The following MTUS2 variants were observed in gnomAD, a reference collection of about 807,000 sequenced individuals.
The protein encoded by MTUS2 is microtubule-associated tumor suppressor candidate 2.
MTUS2 carries 40 observed loss-of-function variants against 114.1 expected under a neutral mutation model. That is an observed-to-expected ratio of 0.35 (90% CI 0.27 to 0.46). MTUS2 has a LOEUF of 0.46. Among genes scored for constraint, MTUS2 ranks in the 20% least tolerant of loss-of-function variants. MTUS2 has a pLI of 1.00. For missense variants in MTUS2, 1,679 were observed against 1,705.4 expected (o/e 0.98, Z 0.27); for synonymous variants, 688 against 672.0 (o/e 1.02, Z -0.37).
intron 6 of MTUS2, among the ~76,000 whole-genome samples, chr13:29,298,674 G>C (rs775956978): frequency 6.6e-6 from 1 of 152,078 alleles, no homozygotes; most frequent in Non-Finnish European, 1.5e-5. Context: ...TAAGAAATAG[G>C]GTCACTTGAT....
intron 2 of MTUS2, among the ~76,000 whole-genome samples, chr13:28,925,277 T>C (rs113038600): frequency 0.013 from 1,968 of 152,276 alleles, 40 homozygotes; most frequent in African/African-American, 0.044. Context: ...TGATTCTGGT[T>C]CTCCTCATGT....
intron 4 of MTUS2, among the ~76,000 whole-genome samples, chr13:29,082,839 G>A (rs1208567644): frequency 1.3e-5 from 2 of 152,080 alleles, no homozygotes; most frequent in Non-Finnish European, 2.9e-5. Flanking sequence ...AAGTCCAGGG[G>A]TAACTTATAG....
At chr13:29,299,601 G>A (rs1899103855) in intron 6 of MTUS2, among the ~76,000 whole-genome samples, 1 of 152,184 alleles carries the variant, frequency 6.6e-6, no homozygotes, top group East Asian at 1.9e-4. Flanking sequence ...ACATAACATA[G>A]TGCACAGAAA....
chr13:29,286,648 A>G (rs61948174), intron 6 of MTUS2, among the ~76,000 whole-genome samples: 1,897 of 145,932 alleles, frequency 0.013, 12 homozygotes, highest in Middle Eastern at 0.021. Flanking sequence ...TGCACTATCT[A>G]TCTGTCTGTC....
intron 4 of MTUS2, among the ~76,000 whole-genome samples, chr13:29,041,412 C>T (rs751249812): frequency 2.6e-5 from 4 of 151,962 alleles, no homozygotes; most frequent in Non-Finnish European, 5.9e-5. Flanking sequence ...TTTGCTTAGC[C>T]TTACTTTGGG....
chr13:29,467,577 G>A (rs983334165), intron 9 of MTUS2, among the ~76,000 whole-genome samples: 1 of 151,790 alleles, frequency 6.6e-6, no homozygotes, highest in Non-Finnish European at 1.5e-5. Flanking sequence ...TCCTATTAAA[G>A]CCATTTCCTG....
intron 4 of MTUS2, among the ~76,000 whole-genome samples, chr13:29,094,307 ACTAATGACAT>A (rs1890087050): frequency 6.6e-6 from 1 of 151,300 alleles, no homozygotes; most frequent in South Asian, 2.1e-4. Flanking sequence ...GATAGAATTC[ACTAATGACAT>A]CTGTGCCTGG....
chr13:29,502,514 C>G (rs143606151), intron 15 of MTUS2, among the ~76,000 whole-genome samples: 47 of 152,212 alleles, frequency 3.1e-4, no homozygotes, highest in Non-Finnish European at 7.3e-5. Flanking sequence ...AGGACACCTG[C>G]CATCGTGGAG....
intron 6 of MTUS2, among the ~76,000 whole-genome samples, chr13:29,288,564 AAAAGT>A (rs1898582977): frequency 6.6e-6 from 1 of 152,142 alleles, no homozygotes; most frequent in African/African-American, 2.4e-5. Flanking sequence ...TAAAGGTGAG[AAAAGT>A]AAAGAATTAC....
At chr13:28,948,892 C>T (rs1241739224) in intron 2 of MTUS2, among the ~76,000 whole-genome samples, 1 of 152,170 alleles carries the variant, frequency 6.6e-6, no homozygotes, top group Non-Finnish European at 1.5e-5. Context: ...TCCCTACTCC[C>T]ATGTTGGGTG....
chr13:29,089,506 A>T (rs766221628), intron 4 of MTUS2, among the ~76,000 whole-genome samples: 3 of 152,192 alleles, frequency 2.0e-5, no homozygotes, highest in Non-Finnish European at 4.4e-5. Context: ...CCTCTCTAGC[A>T]AGGTCAGGGA....
At chr13:29,092,840 G>A (rs2138785299) in intron 4 of MTUS2, among the ~76,000 whole-genome samples, 1 of 152,308 alleles carries the variant, frequency 6.6e-6, no homozygotes, top group Admixed American at 6.5e-5. Flanking sequence ...TTACATAATT[G>A]AAGTCTCTGG....
At chr13:29,502,173 A>C (rs1464238088) in intron 15 of MTUS2, among the ~76,000 whole-genome samples, 1 of 152,244 alleles carries the variant, frequency 6.6e-6, no homozygotes, top group Non-Finnish European at 1.5e-5. Context: ...GAAGCTGCAA[A>C]GGTGCCCTTG....
chr13:29,070,766 TTTCTC>T (rs1295909973), intron 4 of MTUS2, among the ~76,000 whole-genome samples: 1 of 152,170 alleles, frequency 6.6e-6, no homozygotes, highest in Non-Finnish European at 1.5e-5. Context: ...ACCTCTCTGT[TTTCTC>T]TTTCTTTCTG....
intron 5 of MTUS2, among the ~76,000 whole-genome samples, chr13:29,231,276 ATTC>A (rs1473540551): frequency 3.3e-5 from 5 of 152,234 alleles, no homozygotes; most frequent in Admixed American, 6.5e-5. Flanking sequence ...AATTTTAGAT[ATTC>A]TTATTACATT....
At chr13:29,315,742 G>T (rs969750538) in intron 6 of MTUS2, among the ~76,000 whole-genome samples, 1 of 152,134 alleles carries the variant, frequency 6.6e-6, no homozygotes, top group Admixed American at 6.6e-5. Flanking sequence ...AAAGGAATCT[G>T]GTGTAAACTT....
intron 6 of MTUS2, among the ~76,000 whole-genome samples, chr13:29,310,573 G>GGGACAAAAA (rs1446507391): frequency 1.3e-5 from 2 of 151,938 alleles, no homozygotes; most frequent in Non-Finnish European, 2.9e-5. Context: ...AGACAAAAAA[G>GGGACAAAAA]GAACAAAAAG....
At chr13:29,393,781 G>A (rs772063633) in intron 8 of MTUS2, among the ~76,000 whole-genome samples, 3 of 152,152 alleles carry the variant, frequency 2.0e-5, no homozygotes, top group Admixed American at 6.5e-5. Context: ...AGGGAGACAT[G>A]AGCCATCAAT....
chr13:29,406,108 A>G (rs1015838376), intron 8 of MTUS2, among the ~76,000 whole-genome samples: 4 of 152,214 alleles, frequency 2.6e-5, no homozygotes, highest in African/African-American at 9.7e-5. Context: ...TTAAAATAAC[A>G]TATTTCAGAT....
Sources: allele counts gnomAD v4.1 joint callset (sites outside exome capture counted in the v4.1 genomes callset), GRCh38; gene constraint gnomAD v4.1.1; transcripts MANE v1.5; gene names NCBI Gene and HGNC (gene_info 2026-07-23, HGNC 2026-07-21).